The following KLHL8 variants were observed in gnomAD, a reference collection of about 807,000 sequenced individuals.
KLHL8 encodes kelch like family member 8.
Under a neutral mutation model 63.5 loss-of-function variants are expected in KLHL8, and 38 were observed. The observed-to-expected ratio is 0.60, with a 90% CI of 0.46 to 0.78. The LOEUF is 0.78. Ranked by LOEUF, KLHL8 falls within the 30% of genes least tolerant of loss-of-function variation. KLHL8 has a pLI of 0.00. For synonymous variants in KLHL8, 224 were observed against 254.3 expected (o/e 0.88, Z 1.13); for missense variants, 566 against 752.4 (o/e 0.75, Z 2.90).
Position 87,161,129 on chromosome 4 carries a change from C to T in KLHL8, c.*2390G>A, listed in dbSNP as rs28668976. On this transcript the variant is annotated 3_prime_UTR_variant, in exon 10 of 10. Coordinates refer to ENST00000273963, the MANE Select transcript of KLHL8 (RefSeq NM_020803.5). Reference sequence around the variant, plus strand: ...CTCAACCTCGGCTCATTGCAACCTCCACCTCCTGGGTTCAAGCAATTCTCC... The same window carrying T: ...CTCAACCTCGGCTCATTGCAACCTCTACCTCCTGGGTTCAAGCAATTCTCC... 11,566 of 151,204 alleles carry T rather than the reference C, an allele frequency of 0.076. 620 individuals are homozygous for T. Among genetic ancestry groups the T allele is most frequent in the Non-Finnish European group, 0.11 (7,771 of 67,834 alleles). The allele number at this position is 151,204 out of a possible 1,614,324, so 9.4% of individuals were successfully genotyped here. A position where few individuals can be genotyped will look rare whatever the true frequency, so the allele number is the denominator to read the frequency against.
Position 87,185,498 on chromosome 4 carries a change from C to G in KLHL8, c.518G>C (p.Arg173Thr), listed in dbSNP as rs1228039521. 30 of 1,614,072 alleles carry G rather than the reference C, an allele frequency of 1.9e-5. No homozygotes were observed. The highest frequency in any genetic ancestry group is 2.4e-5 in the Non-Finnish European group (28 of 1,180,028). The change falls in exon 3 of 10, where the codon AGA (arginine) becomes ACA (threonine). Residue 173 changes from arginine to threonine, a missense_variant. Transcript: ENST00000273963. ...TCGATTGTGACTTTCTGCAAAGGCT[C>G]TTACTGCCAGGCAATTGGAGGGATG... ...HFHPSNCLAV[R>T]AFAESHNRID... is the part of the protein sequence containing the mutation.
chr4:87,188,989 G>A (rs1235871539), intron 2 of KLHL8, among the ~76,000 whole-genome samples: 3 of 152,144 alleles, frequency 2.0e-5, no homozygotes, highest in Non-Finnish European at 1.5e-5. Flanking sequence ...TAAATTTAAC[G>A]GAGTTTAACT....
intron 1 of KLHL8, among the ~76,000 whole-genome samples, chr4:87,211,230 C>T (rs1732393225): frequency 6.6e-6 from 1 of 152,164 alleles, no homozygotes; most frequent in Non-Finnish European, 1.5e-5. Flanking sequence ...TAACACTGTG[C>T]ATAAGACATT....
chr4:87,164,700 A>C (rs1730308235), intron 8 of KLHL8, among the ~76,000 whole-genome samples: 1 of 152,180 alleles, frequency 6.6e-6, no homozygotes, highest in South Asian at 2.1e-4. Context: ...TCTGTTCCTG[A>C]GGTTATAGAG....
At chr4:87,219,100 A>T (rs1038191446) in intron 1 of KLHL8, among the ~76,000 whole-genome samples, 1 of 152,208 alleles carries the variant, frequency 6.6e-6, no homozygotes, top group African/African-American at 2.4e-5. Flanking sequence ...CAATTTTTTT[A>T]AAAAGTGACG....
At chr4:87,206,949 T>C (rs1390850958) in intron 1 of KLHL8, 2 of 256,228 alleles carry the variant, frequency 7.8e-6, no homozygotes, top group African/African-American at 2.3e-5. Flanking sequence ...GCCGGAGTCA[T>C]GAGTGACTGA....
At chr4:87,196,683 T>C (rs1237457061) in intron 1 of KLHL8, among the ~76,000 whole-genome samples, 1 of 152,244 alleles carries the variant, frequency 6.6e-6, no homozygotes, top group Non-Finnish European at 1.5e-5. Flanking sequence ...ATTTGATGAA[T>C]ATCCACACCA....
At chr4:87,215,313 A>G (rs1732555399) in intron 1 of KLHL8, among the ~76,000 whole-genome samples, 1 of 152,232 alleles carries the variant, frequency 6.6e-6, no homozygotes, top group South Asian at 2.1e-4. Flanking sequence ...TATATAAAGT[A>G]TGCTGCAATA....
chr4:87,207,884 AG>A, intron 1 of KLHL8: 1 of 1,526,690 alleles, frequency 6.6e-7, no homozygotes, highest in Non-Finnish European at 9.0e-7. Context: ...CAGACATCGG[AG>A]GGCCCCCTCA....
chr4:87,170,771 G>A (rs1730605577), intron 6 of KLHL8, among the ~76,000 whole-genome samples, 156 bp from the exon 7 acceptor site: 1 of 152,150 alleles, frequency 6.6e-6, no homozygotes, highest in Admixed American at 6.5e-5. Context: ...CTTTTGACTA[G>A]ATGGCTACAG....
chr4:87,228,563 C>A (rs750508370), intron 1 of KLHL8, among the ~76,000 whole-genome samples: 1 of 152,232 alleles, frequency 6.6e-6, no homozygotes, highest in South Asian at 2.1e-4. Context: ...CTGGAACAAA[C>A]ATGGCTACTC....
At chr4:87,190,825 C>A (rs921846663) in intron 2 of KLHL8, among the ~76,000 whole-genome samples, 3 of 152,152 alleles carry the variant, frequency 2.0e-5, no homozygotes, top group African/African-American at 7.2e-5. Context: ...GATGCCAACT[C>A]TTCTTTGTGT....
At chr4:87,182,866 C>G (rs961926835) in intron 4 of KLHL8, among the ~76,000 whole-genome samples, 4 of 152,228 alleles carry the variant, frequency 2.6e-5, no homozygotes, top group African/African-American at 9.6e-5. Context: ...AAATAAGATA[C>G]TCAGCTGTCT....
chr4:87,239,039 A>G (rs936808787), intron 1 of KLHL8, among the ~76,000 whole-genome samples: 14 of 152,216 alleles, frequency 9.2e-5, no homozygotes, highest in Non-Finnish European at 2.1e-4. Context: ...TTAAAAATGC[A>G]GATTCCCCAG....
At chr4:87,221,715 A>G (rs1732859718), upstream of KLHL8, among the ~76,000 whole-genome samples, 1 of 152,108 alleles carries the variant, frequency 6.6e-6, no homozygotes, top group Admixed American at 6.6e-5. Flanking sequence ...CATCTTCTAT[A>G]AAAACCCCAA....
At chr4:87,237,016 C>G (rs972836916) in intron 1 of KLHL8, among the ~76,000 whole-genome samples, 3 of 152,078 alleles carry the variant, frequency 2.0e-5, no homozygotes, top group Non-Finnish European at 2.9e-5. Flanking sequence ...ACTTTGACAG[C>G]GGGAAGTTTC....
intron 1 of KLHL8, among the ~76,000 whole-genome samples, chr4:87,226,937 ATAATATATATTATATATAAG>A (rs1365926799): frequency 0.014 from 695 of 49,382 alleles, 27 homozygotes; most frequent in Non-Finnish European, 0.019. Context: ...TTATATATAA[ATAATATATATTATATATAAG>A]TAATATATAT....
chr4:87,163,835 T>C lies in KLHL8; in HGVS notation c.1739+43A>G, dbSNP rs769153316. Reference sequence around the variant, plus strand: ...AACACTCTGAAGTAATCTACTATTATACCAGAAGATAATATAAAGCACGGA... The same window carrying C: ...AACACTCTGAAGTAATCTACTATTACACCAGAAGATAATATAAAGCACGGA... On this transcript the variant is annotated intron_variant, in intron 9 of 9. Coordinates refer to ENST00000273963, the MANE Select transcript of KLHL8 (RefSeq NM_020803.5). 4.4e-6 allele frequency: 7 copies of C among 1,581,578 alleles called. No homozygotes were observed. The Admixed American group carries it at 5.0e-5, about 11-fold the overall frequency.
chr4:87,186,940 C>T (rs1266987975), intron 2 of KLHL8, among the ~76,000 whole-genome samples: 5 of 150,922 alleles, frequency 3.3e-5, no homozygotes, highest in Non-Finnish European at 7.4e-5. Context: ...TTTCTATTTA[C>T]ATTATCTTGA....
Sources: allele counts gnomAD v4.1 joint callset (sites outside exome capture counted in the v4.1 genomes callset), GRCh38; gene constraint gnomAD v4.1.1; transcripts MANE v1.5; gene names NCBI Gene and HGNC (gene_info 2026-07-23, HGNC 2026-07-21).